The following TOR1A variants were observed in gnomAD, a reference collection of about 807,000 sequenced individuals.
TOR1A encodes torsin-1A.
A neutral mutation model predicts 31.4 loss-of-function variants in TOR1A; 18 were observed. The observed-to-expected ratio is 0.57, with a 90% CI of 0.40 to 0.85. The LOEUF (loss-of-function observed/expected upper bound fraction) is 0.85. Ranked by LOEUF, TOR1A falls within the 40% of genes least tolerant of loss-of-function variation. TOR1A has a pLI of 0.00. For missense variants in TOR1A, 375 were observed against 416.4 expected (o/e 0.90, Z 0.87); for synonymous variants, 168 against 165.9 (o/e 1.01, Z -0.10).
Position 129,814,218 on chromosome 9 carries a change from G to A in TOR1A, c.753C>T (p.Gly251=). 3 of 1,614,084 alleles carry A rather than the reference G, an allele frequency of 1.9e-6. No homozygotes were observed. In the South Asian group the frequency reaches 3.3e-5, roughly 18 times the overall value. Residue 251 remains glycine, a synonymous_variant, in exon 5 of 5, where the codon GGC becomes GGT. Coordinates refer to ENST00000351698, the MANE Select transcript of TOR1A (RefSeq NM_000113.3). ...SVSVFNNKNS[G]FWHSSLIDRN... ...GGTCAATTAAGCTGCTGTGCCAGAA[G>A]CCACCTGGGAAGAAGAAACAAGGTG...
At chr9:129,817,266 C>T (rs1468331077) in intron 4 of TOR1A, among the ~76,000 whole-genome samples, 5 of 152,138 alleles carry the variant, frequency 3.3e-5, no homozygotes, top group Non-Finnish European at 5.9e-5. Flanking sequence ...AGGGCCGAAC[C>T]GCTATTTGGC....
At chr9:129,814,947 G>A (rs908247622) in intron 4 of TOR1A, among the ~76,000 whole-genome samples, 1 of 152,170 alleles carries the variant, frequency 6.6e-6, no homozygotes, top group African/African-American at 2.4e-5. Flanking sequence ...CCCACGCTGG[G>A]CTCCCCGTGA....
rs972277921 is a variant in TOR1A at position 129,822,978 on chromosome 9, G to C, written c.179-132C>G. On this transcript the variant is annotated intron_variant, in intron 1 of 4. Coordinates refer to ENST00000351698, the MANE Select transcript of TOR1A (RefSeq NM_000113.3). ...CACCTTGCGAAACCTCAAGTACTGC[G>C]GTCTGTAAGCTCCTGGCCCAGAGGG... is the stretch of plus-strand genomic sequence containing the variant. 198 of 1,304,372 alleles carry C rather than the reference G, an allele frequency of 1.5e-4. 3 individuals carry two copies. The East Asian group carries it at 4.8e-3, about 32-fold the overall frequency. 80.8% of individuals were successfully genotyped at this position (1,304,372 alleles called of 1,614,324 possible). A position where few individuals can be genotyped will look rare whatever the true frequency, so the allele number is the denominator to read the frequency against.
At chr9:129,821,161 G>A (rs192025746) in intron 2 of TOR1A, among the ~76,000 whole-genome samples, 123 of 152,168 alleles carry the variant, frequency 8.1e-4, no homozygotes, top group African/African-American at 2.8e-3. Context: ...AAATTAGCTG[G>A]GTGTGGTGGC....
Position 129,814,008 on chromosome 9 carries a change from C to T in TOR1A, c.963G>A (p.Thr321=), listed in dbSNP as rs1029498690. 10 of 1,614,058 alleles carry T rather than the reference C, an allele frequency of 6.2e-6. No individual in the cohort carries two copies. The highest frequency in any genetic ancestry group is 5.3e-5 in the African/African-American group (4 of 74,898). The part of the protein sequence containing the change: ...ERVFSDKGCK[T]VFTKLDYYYD... Reference sequence around the variant, plus strand: ...AGTAATAATCTAACTTGGTGAACACCGTTTTGCAGCCTTTATCTGAGAAAA... The same window carrying T: ...AGTAATAATCTAACTTGGTGAACACTGTTTTGCAGCCTTTATCTGAGAAAA... Residue 321 remains threonine (T), a synonymous_variant, in exon 5 of 5, where the codon ACG becomes ACA. Transcript: ENST00000351698.
intron 1 of TOR1A, 88 bp downstream of exon 1, chr9:129,823,820 A>G (rs1242857636): frequency 7.3e-7 from 1 of 1,363,284 alleles, no homozygotes; most frequent in Non-Finnish European, 9.7e-7. Flanking sequence ...TCCATCCTCC[A>G]TTCTCCATGC....
intron 4 of TOR1A, among the ~76,000 whole-genome samples, chr9:129,816,516 T>C (rs970703904): frequency 1.3e-5 from 2 of 152,198 alleles, no homozygotes; most frequent in African/African-American, 2.4e-5. Context: ...GGATGTAGGA[T>C]TGATAAGGGC....
At chr9:129,820,146 C>CAG (rs10642255) in intron 2 of TOR1A, among the ~76,000 whole-genome samples, 34,543 of 150,504 alleles carry the variant, frequency 0.23, 4,005 homozygotes, top group Non-Finnish European at 0.24. Context: ...TTTTTTTTGA[C>CAG]AGTCTCGCTC....
At position 129,818,552 on chromosome 9, in the gene TOR1A, G is replaced by A. The variant is rs138737975; in HGVS notation, c.716C>T (p.Ala239Val). The change falls in exon 4 of 5, where the codon GCG becomes GTG. Residue 239 changes from alanine (A) to valine (V), a missense_variant. By Grantham distance (64) the Ala-to-Val change is moderately conservative. Coordinates refer to ENST00000351698, the MANE Select transcript of TOR1A (RefSeq NM_000113.3). ...EDIKLKDIEH[A>V]LSVSVFNNKN... Reference sequence around the variant, plus strand: ...GTTATTGAAAACCGACACAGACAACGCGTGTTCAATGTCTTTGAGCTTGAT... The same window carrying A: ...GTTATTGAAAACCGACACAGACAACACGTGTTCAATGTCTTTGAGCTTGAT... The A allele has an allele frequency of 7.2e-5, 117 of 1,614,162 alleles. No individual in the cohort carries two copies. In the African/African-American group the frequency reaches 1.2e-3, roughly 17 times the overall value.
At chr9:129,823,282 C>T (rs945348463) in intron 1 of TOR1A, 5 of 312,298 alleles carry the variant, frequency 1.6e-5, no homozygotes, top group Admixed American at 9.4e-5. Context: ...GGTCCACCCC[C>T]AGCTTAGCGC....
At chr9:129,820,924 G>A (rs901009781) in intron 2 of TOR1A, among the ~76,000 whole-genome samples, 1 of 152,154 alleles carries the variant, frequency 6.6e-6, no homozygotes, top group Admixed American at 6.5e-5. Flanking sequence ...GTACAGAACC[G>A]CTGGACAGTG....
chr9:129,818,309 A>C, intron 4 of TOR1A: 1 of 720,934 alleles, frequency 1.4e-6, no homozygotes, highest in South Asian at 1.7e-5. Flanking sequence ...TGAAAAATAA[A>C]AATAAAACAG....
chr9:129,823,891 C>A lies in TOR1A; in HGVS notation c.178+17G>T. 6.4e-7 allele frequency: 1 copy of A among 1,554,026 alleles called. No individual in the cohort carries two copies. Among genetic ancestry groups the A allele is most frequent in the African/African-American group, 1.4e-5 (1 of 73,196 alleles). ...CCCCAGCCCCAGCCCCAGCCTCCAGCCCCCGCCCCAGCCTACCCTCCCGGC... is the reference window on the plus strand; with the variant it reads ...CCCCAGCCCCAGCCCCAGCCTCCAGACCCCGCCCCAGCCTACCCTCCCGGC... On this transcript the variant is annotated intron_variant, in intron 1 of 4. Coordinates refer to ENST00000351698, the MANE Select transcript of TOR1A (RefSeq NM_000113.3).
chr9:129,818,343 TA>T, intron 4 of TOR1A, 176 bp downstream of exon 4: 1 of 950,838 alleles, frequency 1.1e-6, no homozygotes, highest in Non-Finnish European at 1.7e-6. Context: ...TTAGTGTTCA[TA>T]AAAGTTACCT....
chr9:129,818,762 G>A lies in TOR1A; in HGVS notation c.603C>T (p.Ala201=), dbSNP rs955676559. ...DLVDGVSYQK[A]MFIFLSNAGA... is the part of the protein sequence containing the mutation. ...GACCTTACCTGAGAAATATGAACAT[G>A]GCTTTCTGGTAGGAGACCCCATCCA... Residue 201 remains alanine (A), a synonymous_variant, in exon 3 of 5, where the codon GCC becomes GCT. Coordinates refer to ENST00000351698, the MANE Select transcript of TOR1A (RefSeq NM_000113.3). 2 of 1,613,124 alleles carry A rather than the reference G, an allele frequency of 1.2e-6. No individual in the cohort carries two copies. The highest frequency in any genetic ancestry group is 1.3e-5 in the African/African-American group (1 of 74,916).
chr9:129,823,577 T>A (rs1392374156), intron 1 of TOR1A: 1 of 258,126 alleles, frequency 3.9e-6, no homozygotes, highest in Non-Finnish European at 7.4e-6. Flanking sequence ...CCGGCCCTAC[T>A]GCCATCCCCC....
chr9:129,823,781 T>C, intron 1 of TOR1A, 127 bp downstream of exon 1: 1 of 841,666 alleles, frequency 1.2e-6, no homozygotes, highest in East Asian at 5.2e-5. Flanking sequence ...GCCCTAGTCC[T>C]AGCCCGGCCC....
At chr9:129,816,364 C>T (rs981378070) in intron 4 of TOR1A, among the ~76,000 whole-genome samples, 5 of 152,080 alleles carry the variant, frequency 3.3e-5, no homozygotes, top group Non-Finnish European at 5.9e-5. Flanking sequence ...CTACTGGCCC[C>T]GGGGGGAAAG....
At chr9:129,815,815 AT>A (rs1182328316) in intron 4 of TOR1A, among the ~76,000 whole-genome samples, 1 of 151,998 alleles carries the variant, frequency 6.6e-6, no homozygotes, top group Non-Finnish European at 1.5e-5. Flanking sequence ...TTCTTCTCTC[AT>A]TCCCATATAC....
Sources: allele counts gnomAD v4.1 joint callset (sites outside exome capture counted in the v4.1 genomes callset), GRCh38; gene constraint gnomAD v4.1.1; transcripts MANE v1.5; gene names NCBI Gene and HGNC (gene_info 2026-07-23, HGNC 2026-07-21).